The following PLD5 variants were observed in gnomAD, a reference collection of about 807,000 sequenced individuals.
The protein encoded by PLD5 is inactive phospholipase D5.
In PLD5, 36 loss-of-function variants were observed where a neutral mutation model predicts 61.1. That is an observed-to-expected ratio of 0.59 (90% confidence interval 0.45 to 0.78). The LOEUF (loss-of-function observed/expected upper bound fraction) is 0.78, where lower values mean the gene tolerates loss of function less well. Ranked by LOEUF, PLD5 falls within the 30% of genes least tolerant of loss-of-function variation. PLD5 has a pLI of 0.00. For missense variants in PLD5, 515 were observed against 644.4 expected (o/e 0.80, Z 2.17); for synonymous variants, 243 against 242.8 (o/e 1.00, Z -0.01).
intron 5 of PLD5, among the ~76,000 whole-genome samples, chr1:242,197,358 T>C (rs1456758215): frequency 1.3e-5 from 2 of 152,182 alleles, no homozygotes; most frequent in East Asian, 3.9e-4. Context: ...TTCCATGAAC[T>C]TGAAGGCTAA....
At chr1:242,301,516 C>T (rs1228386117) in intron 2 of PLD5, among the ~76,000 whole-genome samples, 1 of 151,934 alleles carries the variant, frequency 6.6e-6, no homozygotes, top group Admixed American at 6.6e-5. Context: ...TGTCTTCCTC[C>T]CCTCTCTACC....
rs112617465 is a variant in PLD5 at position 242,229,055 on chromosome 1, T to G, written c.608-8940A>C. Reference sequence around the variant, plus strand: ...TGTGCTTTTAATATTAGACTAAAATTGTTTAGTTGTGGCCTAAAAACTCAA... The same window carrying G: ...TGTGCTTTTAATATTAGACTAAAATGGTTTAGTTGTGGCCTAAAAACTCAA... On this transcript the variant is annotated intron_variant, in intron 4 of 9. Transcript: ENST00000536534. Among the ~76,000 whole-genome samples the G allele has an allele frequency of 6.0e-3, 920 of 152,342 alleles. 11 individuals carry two copies. Among genetic ancestry groups the G allele is most frequent in the African/African-American group, 0.021 (862 of 41,576 alleles).
intron 1 of PLD5, among the ~76,000 whole-genome samples, chr1:242,448,764 A>G (rs1167108149): frequency 1.3e-5 from 2 of 152,222 alleles, no homozygotes; most frequent in African/African-American, 4.8e-5. Context: ...GATTGAATCA[A>G]ACTTCCTCCA....
intron 1 of PLD5, among the ~76,000 whole-genome samples, chr1:242,424,139 T>C (rs1665293118): frequency 6.6e-6 from 1 of 152,244 alleles, no homozygotes; most frequent in South Asian, 2.1e-4. Context: ...TAATCCCTTC[T>C]CTACAGCTAA....
intron 1 of PLD5, among the ~76,000 whole-genome samples, chr1:242,481,406 G>A (rs911435394): frequency 6.6e-6 from 1 of 152,230 alleles, no homozygotes. Context: ...CACACCAGGA[G>A]ATTGTATCCC....
intron 1 of PLD5, among the ~76,000 whole-genome samples, chr1:242,511,575 C>T (rs1181527588): frequency 7.9e-6 from 1 of 127,092 alleles, no homozygotes; most frequent in Non-Finnish European, 1.7e-5. Flanking sequence ...GCCCATAATC[C>T]CAGTCTAATG....
chr1:242,471,472 G>A (rs896922871), intron 1 of PLD5, among the ~76,000 whole-genome samples: 14 of 152,192 alleles, frequency 9.2e-5, no homozygotes, highest in African/African-American at 2.6e-4. Context: ...ATTCCTGAGC[G>A]AAATGGGTTT....
intron 1 of PLD5, among the ~76,000 whole-genome samples, chr1:242,512,137 T>A (rs140524082): frequency 6.6e-6 from 1 of 151,404 alleles, no homozygotes; most frequent in Non-Finnish European, 1.5e-5. Context: ...TTTGGTTGGG[T>A]GCGGTGGTTC....
intron 5 of PLD5, among the ~76,000 whole-genome samples, chr1:242,142,748 CTCTA>C (rs1664265986): frequency 6.6e-6 from 1 of 150,770 alleles, no homozygotes; most frequent in Non-Finnish European, 1.5e-5. Context: ...CTCTCTCTGT[CTCTA>C]TCTCTCTGTC....
chr1:242,367,654 G>T (rs117741456), intron 1 of PLD5, among the ~76,000 whole-genome samples: 1 of 152,076 alleles, frequency 6.6e-6, no homozygotes, highest in African/African-American at 2.4e-5. Flanking sequence ...ATAGGAATAC[G>T]CAAACATAGA....
chr1:242,478,458 G>A (rs1484114364), intron 1 of PLD5, among the ~76,000 whole-genome samples: 3 of 152,162 alleles, frequency 2.0e-5, no homozygotes, highest in East Asian at 1.9e-4. Flanking sequence ...CTGTCACTGC[G>A]AGGGACTAGC....
intron 1 of PLD5, among the ~76,000 whole-genome samples, chr1:242,355,129 G>A (rs1660686888): frequency 6.6e-6 from 1 of 152,130 alleles, no homozygotes; most frequent in Admixed American, 6.6e-5. Context: ...GGGTAATGCT[G>A]ACTTTGTAAA....
intron 5 of PLD5, among the ~76,000 whole-genome samples, chr1:242,178,526 G>A (rs895661041): frequency 6.6e-6 from 1 of 152,190 alleles, no homozygotes; most frequent in African/African-American, 2.4e-5. Context: ...CTCTGGTGCT[G>A]ACTTTCCCAG....
intron 3 of PLD5, among the ~76,000 whole-genome samples, chr1:242,274,716 T>C (rs1674315942): frequency 6.6e-6 from 1 of 151,636 alleles, no homozygotes; most frequent in Non-Finnish European, 1.5e-5. Flanking sequence ...ATCGCGCCAC[T>C]GCACTCCAGC....
intron 5 of PLD5, among the ~76,000 whole-genome samples, chr1:242,203,008 A>G (rs1268330674): frequency 6.6e-6 from 1 of 152,156 alleles, no homozygotes; most frequent in East Asian, 1.9e-4. Context: ...TTGACCCACA[A>G]CTTGCAGCAA....
chr1:242,158,864 C>T (rs1315331690), intron 5 of PLD5, among the ~76,000 whole-genome samples: 1 of 152,192 alleles, frequency 6.6e-6, no homozygotes, highest in Non-Finnish European at 1.5e-5. Flanking sequence ...ACTGTGCCCA[C>T]TCTACTGACG....
At chr1:242,366,013 G>A (rs910397601) in intron 1 of PLD5, among the ~76,000 whole-genome samples, 1 of 152,120 alleles carries the variant, frequency 6.6e-6, no homozygotes, top group Admixed American at 6.6e-5. Flanking sequence ...TCAAACATTT[G>A]AGAAATAAAT....
chr1:242,302,505 G>A (rs2149162589), intron 2 of PLD5, among the ~76,000 whole-genome samples: 1 of 150,720 alleles, frequency 6.6e-6, no homozygotes, highest in South Asian at 2.1e-4. Context: ...ACTGCTTGAG[G>A]CCAGGAGAGT....
intron 1 of PLD5, among the ~76,000 whole-genome samples, chr1:242,479,717 T>C (rs890841759): frequency 6.6e-5 from 10 of 152,062 alleles, no homozygotes; most frequent in Non-Finnish European, 1.3e-4. Flanking sequence ...ATAGCCAAAA[T>C]AACTTTGAGG....
Sources: gnomAD v4.1 joint callset for allele counts (sites outside exome capture counted in the v4.1 genomes callset) on GRCh38, gnomAD v4.1.1 for gene constraint, MANE v1.5 for transcripts, NCBI Gene and HGNC (gene_info 2026-07-23, HGNC 2026-07-21) for gene names.